The following COG5 variants were observed in gnomAD, a reference collection of about 807,000 sequenced individuals.
The protein encoded by COG5 is component of oligomeric golgi complex 5.
In COG5, 86 loss-of-function variants were observed where a neutral mutation model predicts 110.4. The observed-to-expected ratio is 0.78, with a 90% confidence interval of 0.65 to 0.93. COG5 has a LOEUF of 0.93. Ranked by LOEUF, COG5 falls within the 40% of genes least tolerant of loss-of-function variation. The pLI, the probability that COG5 is intolerant of heterozygous loss-of-function variation, is 0.00. For missense variants in COG5, 1,077 were observed against 987.0 expected (o/e 1.09, Z -1.22); for synonymous variants, 360 against 334.6 (o/e 1.08, Z -0.83).
rs1384928008 is a variant in COG5, at chr7:107,383,768, G to A, written c.670-11008C>T. On this transcript the variant is annotated intron_variant, in intron 7 of 21. Transcript: ENST00000297135. The stretch of plus-strand genomic sequence containing the variant: ...CCTTTCTAATGCATTCTGAACCCCC[G>A]GGAAGCCATTAAAAGATGCCTTCTT... Among the ~76,000 whole-genome samples, 6 of 152,204 alleles carry A rather than the reference G, an allele frequency of 3.9e-5. No homozygotes were observed. In the South Asian group the frequency reaches 6.2e-4, roughly 16 times the overall value.
chr7:107,296,554 C>A (rs531903885), intron 12 of COG5, among the ~76,000 whole-genome samples: 2 of 149,900 alleles, frequency 1.3e-5, no homozygotes, highest in Admixed American at 6.7e-5. Context: ...CCTATCATGG[C>A]CATTTATTTT....
At chr7:107,379,960 C>T (rs1814970678) in intron 7 of COG5, among the ~76,000 whole-genome samples, 4 of 152,170 alleles carry the variant, frequency 2.6e-5, no homozygotes, top group Admixed American at 1.3e-4. Flanking sequence ...CACCCCAAAC[C>T]AACAGAATAT....
intron 16 of COG5, among the ~76,000 whole-genome samples, chr7:107,253,739 T>C (rs951839628): frequency 2.0e-5 from 3 of 152,174 alleles, no homozygotes; most frequent in Non-Finnish European, 4.4e-5. Context: ...CCTGCTCCTT[T>C]ACTCTCACTC....
intron 10 of COG5, among the ~76,000 whole-genome samples, chr7:107,360,032 C>A (rs1265308977): frequency 6.6e-6 from 1 of 152,154 alleles, no homozygotes; most frequent in Non-Finnish European, 1.5e-5. Flanking sequence ...ATGCTGAGGG[C>A]TGCGCAGATG....
chr7:107,463,716 G>C (rs1254354614), intron 6 of COG5, among the ~76,000 whole-genome samples: 1 of 152,150 alleles, frequency 6.6e-6, no homozygotes, highest in Non-Finnish European at 1.5e-5. Context: ...GCTGCCAGGA[G>C]ACTACATTAT....
intron 11 of COG5, among the ~76,000 whole-genome samples, chr7:107,310,523 C>T (rs1341334797): frequency 1.3e-5 from 2 of 152,154 alleles, no homozygotes; most frequent in Non-Finnish European, 2.9e-5. Context: ...GCTGCAGTCG[C>T]TAATGGCAGA....
chr7:107,283,931 C>CTTTTTTTTTTTTT lies in COG5; in HGVS notation c.1314-200_1314-199insAAAAAAAAAAAAA, dbSNP rs71522833. On this transcript the variant is annotated intron_variant, in intron 12 of 21. Coordinates refer to ENST00000297135, the MANE Select transcript of COG5 (RefSeq NM_006348.5). ...ATTAAACATTCAGGACCATAGTAAC[C>CTTTTTTTTTTTTT]TTTTTTTTTTTGAGACGTAGTCTCA... Among the ~76,000 whole-genome samples the CTTTTTTTTTTTTT allele has an allele frequency of 7.4e-4, 106 of 142,662 alleles. 2 individuals are homozygous for CTTTTTTTTTTTTT. Among genetic ancestry groups the CTTTTTTTTTTTTT allele is most frequent in the East Asian group, 2.0e-3 (10 of 4,880 alleles). The allele number at this position is 142,662 out of a possible 152,430, so 93.6% of individuals were successfully genotyped here.
chr7:107,545,535 G>A (rs563716774), intron 5 of COG5, among the ~76,000 whole-genome samples: 172 of 152,096 alleles, frequency 1.1e-3, no homozygotes, highest in Non-Finnish European at 1.7e-3. Flanking sequence ...ATCCTAGCAC[G>A]TGGGGAGGCC....
intron 6 of COG5, among the ~76,000 whole-genome samples, chr7:107,525,364 C>T (rs1160962529): frequency 6.6e-6 from 1 of 151,826 alleles, no homozygotes; most frequent in Non-Finnish European, 1.5e-5. Context: ...TGATGACAAA[C>T]ATCCATAATA....
At chr7:107,550,670 C>A (rs530359480) in intron 3 of COG5, among the ~76,000 whole-genome samples, 8 of 152,148 alleles carry the variant, frequency 5.3e-5, no homozygotes, top group Non-Finnish European at 1.2e-4. Context: ...ATCCCCATCA[C>A]CTGTTTTATT....
intron 10 of COG5, among the ~76,000 whole-genome samples, chr7:107,331,441 C>A (rs749438781): frequency 5.9e-5 from 9 of 151,978 alleles, no homozygotes; most frequent in Non-Finnish European, 8.8e-5. Context: ...GCACTCCAGA[C>A]TGGGCGACAG....
At chr7:107,529,689 A>T (rs958709956) in intron 5 of COG5, among the ~76,000 whole-genome samples, 9 of 152,214 alleles carry the variant, frequency 5.9e-5, no homozygotes, top group African/African-American at 2.2e-4. Context: ...ACCTGACCTC[A>T]GTGCCCACGT....
intron 6 of COG5, among the ~76,000 whole-genome samples, chr7:107,457,123 G>T (rs544119558): frequency 2.9e-4 from 44 of 151,946 alleles, no homozygotes; most frequent in Admixed American, 3.3e-4. Flanking sequence ...ACATGACAAA[G>T]ATATTAAAAT....
intron 6 of COG5, among the ~76,000 whole-genome samples, chr7:107,448,316 C>T (rs535276765): frequency 6.6e-6 from 1 of 152,152 alleles, no homozygotes; most frequent in Non-Finnish European, 1.5e-5. Flanking sequence ...TTACCATATT[C>T]CTGAAGCTGT....
chr7:107,550,527 A>T (rs1041590969), intron 3 of COG5, among the ~76,000 whole-genome samples: 2 of 152,074 alleles, frequency 1.3e-5, no homozygotes, highest in Non-Finnish European at 2.9e-5. Flanking sequence ...CCCCTCAAAC[A>T]TGCCAAATTA....
At chr7:107,383,542 C>A (rs907089881) in intron 7 of COG5, among the ~76,000 whole-genome samples, 4 of 152,130 alleles carry the variant, frequency 2.6e-5, no homozygotes, top group Admixed American at 2.0e-4. Flanking sequence ...TCTCTAGGCC[C>A]CCCTACCTCA....
chr7:107,424,650 GC>G (rs1252861297), intron 6 of COG5, among the ~76,000 whole-genome samples: 2 of 151,888 alleles, frequency 1.3e-5, no homozygotes, highest in African/African-American at 4.8e-5. Context: ...ATTTCAAACA[GC>G]CATTAAATGC....
Position 107,402,904 on chromosome 7 carries a change from T to G in COG5, c.669+9598A>C, listed in dbSNP as rs186809582. On this transcript the variant is annotated intron_variant, in intron 7 of 21. Coordinates refer to ENST00000297135, the MANE Select transcript of COG5 (RefSeq NM_006348.5). ...TTTCCGATACAGAAGTAATAAGACT[T>G]TTGTAAGGTCAGAAGTTTATTTATG... 1.1e-4 allele frequency among the ~76,000 whole-genome samples: 17 copies of G among 152,338 alleles called. No homozygotes were observed. The East Asian group carries it at 3.3e-3, about 29-fold the overall frequency.
chr7:107,419,570 T>A (rs975601813), intron 6 of COG5, among the ~76,000 whole-genome samples: 7 of 147,080 alleles, frequency 4.8e-5, no homozygotes, highest in African/African-American at 1.7e-4. Context: ...ATTTATAGAT[T>A]TTTTTTTTTT....
Sources: allele counts gnomAD v4.1 joint callset (sites outside exome capture counted in the v4.1 genomes callset), GRCh38; gene constraint gnomAD v4.1.1; transcripts MANE v1.5; gene names NCBI Gene and HGNC (gene_info 2026-07-23, HGNC 2026-07-21).